PLAA: variants seen among roughly 807,000 people sequenced by gnomAD.
PLAA encodes phospholipase A-2-activating protein.
A neutral mutation model predicts 84.1 loss-of-function variants in PLAA; 48 were observed. The observed-to-expected ratio is 0.57, with a 90% CI of 0.45 to 0.73. PLAA has a LOEUF of 0.73. PLAA is among the 30% of genes least tolerant of loss of function. The probability of loss-of-function intolerance (pLI) is 0.00; values close to 1 mark genes in which losing one functional copy is unlikely to be tolerated. For synonymous variants in PLAA, 392 were observed against 336.6 expected (o/e 1.16, Z -1.80); for missense variants, 903 against 954.7 (o/e 0.95, Z 0.71).
chr9:26,934,474 A>ATT (rs1825292403), intron 2 of PLAA, among the ~76,000 whole-genome samples: 1 of 90,730 alleles, frequency 1.1e-5, no homozygotes, highest in African/African-American at 4.0e-5. Context: ...TGAACACTTT[A>ATT]CTTTTTTTTT....
chr9:26,921,910 AATT>A (rs1824775046), intron 7 of PLAA, among the ~76,000 whole-genome samples: 1 of 152,220 alleles, frequency 6.6e-6, no homozygotes, highest in Non-Finnish European at 1.5e-5. Flanking sequence ...CCTACATTTC[AATT>A]TTCACTCAAA....
intron 10 of PLAA, chr9:26,916,634 T>C (rs1824570815): frequency 1.0e-6 from 1 of 989,734 alleles, no homozygotes; most frequent in African/African-American, 1.7e-5. Flanking sequence ...GCTCCTTCTC[T>C]GCTCGTGATT....
chr9:26,905,387 T>C lies in PLAA; in HGVS notation c.*124A>G. The C allele has an allele frequency of 1.3e-6, 1 of 754,248 alleles. No individual in the cohort carries two copies. The allele number at this position is 754,248 out of a possible 1,614,324, so 46.7% of individuals were successfully genotyped here. On this transcript the variant is annotated 3_prime_UTR_variant, in exon 14 of 14. Coordinates refer to ENST00000397292, the MANE Select transcript of PLAA (RefSeq NM_001031689.3). ...TTTCTGTTTCCCCTCCCCACCACTTTACAAGATGTAAAATTTTACTTAATC... is the reference window on the plus strand; with the variant it reads ...TTTCTGTTTCCCCTCCCCACCACTTCACAAGATGTAAAATTTTACTTAATC...
chr9:26,934,335 G>A (rs980987189), intron 2 of PLAA, among the ~76,000 whole-genome samples: 2 of 151,972 alleles, frequency 1.3e-5, no homozygotes, highest in Non-Finnish European at 2.9e-5. Flanking sequence ...TAATACCAGA[G>A]CCCTAAACAC....
chr9:26,931,601 A>G (rs1825187378), intron 2 of PLAA, among the ~76,000 whole-genome samples: 2 of 152,234 alleles, frequency 1.3e-5, no homozygotes, highest in African/African-American at 2.4e-5. Flanking sequence ...TACTAGATCT[A>G]TTTAACAGCT....
At chr9:26,910,031 TATTC>T (rs979695864) in intron 12 of PLAA, among the ~76,000 whole-genome samples, 6 of 152,228 alleles carry the variant, frequency 3.9e-5, no homozygotes, top group South Asian at 2.1e-4. Flanking sequence ...TACTCATTCA[TATTC>T]ATTAATTTTT....
At chr9:26,924,535 T>C (rs983568518) in intron 6 of PLAA, among the ~76,000 whole-genome samples, 2 of 152,192 alleles carry the variant, frequency 1.3e-5, no homozygotes, top group African/African-American at 4.8e-5. Flanking sequence ...TTTTTTTCTA[T>C]CATTTTCTAT....
At chr9:26,942,934 G>A (rs368692336) in intron 1 of PLAA, among the ~76,000 whole-genome samples, 6 of 149,968 alleles carry the variant, frequency 4.0e-5, no homozygotes, top group African/African-American at 1.5e-4. Flanking sequence ...TGGGGTGAGT[G>A]GAAGGCAGAA....
intron 13 of PLAA, 88 bp from the exon 14 acceptor site, chr9:26,906,164 G>T: frequency 1.3e-6 from 1 of 765,354 alleles, no homozygotes; most frequent in Non-Finnish European, 1.9e-6. Context: ...TTTTCCCACT[G>T]CAAAACTAAC....
chr9:26,941,057 A>C (rs1441433423), intron 1 of PLAA, among the ~76,000 whole-genome samples: 1 of 151,824 alleles, frequency 6.6e-6, no homozygotes, highest in Non-Finnish European at 1.5e-5. Flanking sequence ...AATCCAGATT[A>C]GGTTCTTTGT....
rs747781125 is a variant in PLAA at position 26,946,902 on chromosome 9, T to C, written c.144A>G (p.Pro48=). The C allele has an allele frequency of 1.0e-5, 16 of 1,581,584 alleles. No homozygotes were observed. In the East Asian group the frequency reaches 3.5e-4, roughly 34 times the overall value. ...SRDRTTRLWA[P]DSPNRSFTEM... Reference sequence around the variant, plus strand: ...ACCCGACTCCCAGCGCTCACCTGTCTGGGGCCCAGAGGCGGGTGGTGCGGT... The same window carrying C: ...ACCCGACTCCCAGCGCTCACCTGTCCGGGGCCCAGAGGCGGGTGGTGCGGT... Residue 48 remains proline, a synonymous_variant, in exon 1 of 14, where the codon CCA becomes CCG. Coordinates refer to ENST00000397292, the MANE Select transcript of PLAA (RefSeq NM_001031689.3).
intron 10 of PLAA, 99 bp from the exon 11 acceptor site, chr9:26,914,046 T>C (rs1372547722): frequency 1.2e-6 from 1 of 824,696 alleles, no homozygotes; most frequent in South Asian, 1.5e-5. Context: ...CACTTCACAA[T>C]GGCGTCATTA....
intron 1 of PLAA, among the ~76,000 whole-genome samples, chr9:26,945,986 G>GT (rs1284690496): frequency 6.6e-6 from 1 of 152,102 alleles, no homozygotes; most frequent in Admixed American, 6.6e-5. Flanking sequence ...CCATCAGACT[G>GT]TAAGAAAGCT....
At chr9:26,917,305 T>C (rs1824594743) in intron 9 of PLAA, 140 bp from the exon 10 acceptor site, 1 of 636,178 alleles carries the variant, frequency 1.6e-6, no homozygotes, top group Admixed American at 3.0e-5. Flanking sequence ...TGACAGAAAC[T>C]ATAGTCAGAA....
chr9:26,925,088 T>C (rs1158921654), intron 6 of PLAA, among the ~76,000 whole-genome samples: 2 of 152,256 alleles, frequency 1.3e-5, no homozygotes, highest in Non-Finnish European at 2.9e-5. Flanking sequence ...GTTTTCCTTC[T>C]GGATTATCTC....
At chr9:26,928,027 TA>T in intron 4 of PLAA, 72 bp downstream of exon 4, 1 of 1,479,450 alleles carries the variant, frequency 6.8e-7, no homozygotes, top group South Asian at 1.3e-5. Context: ...TTCATGCTTG[TA>T]AACTTCTGAG....
chr9:26,921,739 T>C (rs1824767243), intron 7 of PLAA, among the ~76,000 whole-genome samples: 1 of 152,210 alleles, frequency 6.6e-6, no homozygotes, highest in Admixed American at 6.5e-5. Context: ...TGGTATCAGA[T>C]ACTAGTCATA....
rs1825760748 is a variant in PLAA, at chr9:26,947,146, G to A, written c.-101C>T. On this transcript the variant is annotated 5_prime_UTR_variant, in exon 1 of 14. Coordinates refer to ENST00000397292, the MANE Select transcript of PLAA (RefSeq NM_001031689.3). ...GGCCGCGGCGGGAGAAGAGCCTGCA[G>A]GTAAGGGGCGGCCGGAGACCGGAAG... is the stretch of plus-strand genomic sequence containing the variant. 4 of 1,330,812 alleles carry A rather than the reference G, an allele frequency of 3.0e-6. No homozygotes were observed. The highest frequency in any genetic ancestry group is 3.4e-5 in the Admixed American group (1 of 29,822). The allele number at this position is 1,330,812 out of a possible 1,614,324, so 82.4% of individuals were successfully genotyped here. A position where few individuals can be genotyped will look rare whatever the true frequency, so the allele number is the denominator to read the frequency against.
chr9:26,939,165 G>T (rs1825445873), intron 1 of PLAA, among the ~76,000 whole-genome samples: 1 of 152,074 alleles, frequency 6.6e-6, no homozygotes, highest in Non-Finnish European at 1.5e-5. Context: ...GAGGCCGGCG[G>T]ATCACAAGGT....
Sources: gnomAD v4.1 joint callset for allele counts (sites outside exome capture counted in the v4.1 genomes callset) on GRCh38, gnomAD v4.1.1 for gene constraint, MANE v1.5 for transcripts, NCBI Gene and HGNC (gene_info 2026-07-23, HGNC 2026-07-21) for gene names.